Variants in SCAPER observed in about 807,000 individuals in gnomAD.
The protein encoded by SCAPER is S-phase cyclin A associated protein in the ER, also known as S phase cyclin A-associated protein in the endoplasmic reticulum.
In SCAPER, 98 loss-of-function variants were observed where a neutral mutation model predicts 182.2. That is an observed-to-expected ratio of 0.54 (90% CI 0.46 to 0.64). SCAPER has a LOEUF of 0.64. Ranked by LOEUF, SCAPER falls within the 30% of genes least tolerant of loss-of-function variation. SCAPER has a pLI of 0.00. For missense variants in SCAPER, 1,432 were observed against 1,690.0 expected (o/e 0.85, Z 2.68); for synonymous variants, 605 against 564.6 (o/e 1.07, Z -1.01).
At chr15:76,476,162 A>G (rs1313579602) in intron 24 of SCAPER, among the ~76,000 whole-genome samples, 2 of 152,094 alleles carry the variant, frequency 1.3e-5, no homozygotes, top group South Asian at 2.1e-4. Flanking sequence ...TCTGGGGTCC[A>G]TTTTCCAGCT....
At chr15:76,559,441 C>T (rs2046440177) in intron 23 of SCAPER, among the ~76,000 whole-genome samples, 1 of 152,012 alleles carries the variant, frequency 6.6e-6, no homozygotes, top group African/African-American at 2.4e-5. Context: ...TGCCTTGCTT[C>T]CCCTTTGCCT....
chr15:76,524,693 T>G (rs71444991), intron 23 of SCAPER, among the ~76,000 whole-genome samples: 9,702 of 136,294 alleles, frequency 0.071, 449 homozygotes, highest in Non-Finnish European at 0.11. Context: ...TGTTCTGTTT[T>G]TTTTTTTTTT....
Position 76,892,963 on chromosome 15 carries a change from C to T in SCAPER, c.-59-9087G>A, listed in dbSNP as rs529995235. 1.5e-4 allele frequency among the ~76,000 whole-genome samples: 14 copies of T among 94,006 alleles called. No homozygotes were observed. In the East Asian group the frequency reaches 4.9e-3, roughly 33 times the overall value. The allele number at this position is 94,006 out of a possible 152,430, so 61.7% of individuals were successfully genotyped here. On this transcript the variant is annotated intron_variant, in intron 1 of 31. Coordinates refer to ENST00000563290, the MANE Select transcript of SCAPER (RefSeq NM_020843.4). ...TAGACTGGATTAAGAAAATGTGGCACATATACACCATGGAATACCATGCAG... is the reference window on the plus strand; with the variant it reads ...TAGACTGGATTAAGAAAATGTGGCATATATACACCATGGAATACCATGCAG...
chr15:76,563,196 A>C (rs749845321), intron 23 of SCAPER, among the ~76,000 whole-genome samples: 3 of 152,198 alleles, frequency 2.0e-5, no homozygotes, highest in African/African-American at 7.2e-5. Context: ...CTATTTCTCA[A>C]TTAGTAGTCA....
At chr15:76,464,170 TC>T (rs2049411028) in intron 25 of SCAPER, among the ~76,000 whole-genome samples, 2 of 152,046 alleles carry the variant, frequency 1.3e-5, no homozygotes, top group Non-Finnish European at 2.9e-5. Context: ...CAACTCTGCT[TC>T]CCCCTCCCCT....
At chr15:76,738,903 T>C (rs999863774) in intron 15 of SCAPER, among the ~76,000 whole-genome samples, 1 of 152,172 alleles carries the variant, frequency 6.6e-6, no homozygotes, top group East Asian at 1.9e-4. Context: ...AATAAAGACT[T>C]TGCTTGATGC....
intron 8 of SCAPER, among the ~76,000 whole-genome samples, chr15:76,789,546 A>T (rs1423566341): frequency 6.6e-6 from 1 of 152,208 alleles, no homozygotes; most frequent in Non-Finnish European, 1.5e-5. Context: ...AGTATATCAA[A>T]CTAGGAACTA....
chr15:76,763,001 C>T (rs2062885336), intron 14 of SCAPER, among the ~76,000 whole-genome samples: 1 of 152,160 alleles, frequency 6.6e-6, no homozygotes, highest in Admixed American at 6.5e-5. Flanking sequence ...TTCTGTACCA[C>T]CCTTACAGTA....
At chr15:76,475,333 A>G (rs1038703944) in intron 24 of SCAPER, among the ~76,000 whole-genome samples, 1 of 149,156 alleles carries the variant, frequency 6.7e-6, no homozygotes, top group African/African-American at 2.5e-5. Flanking sequence ...CTAGCCTTTA[A>G]TTTTTTTTTT....
At chr15:76,750,475 C>T (rs1404068294) in intron 15 of SCAPER, among the ~76,000 whole-genome samples, 2 of 151,674 alleles carry the variant, frequency 1.3e-5, no homozygotes, top group Admixed American at 1.3e-4. Context: ...ACAGAAACTA[C>T]AAGGAAAAAA....
chr15:76,697,273 T>A (rs1026178908), intron 20 of SCAPER, among the ~76,000 whole-genome samples: 6 of 152,206 alleles, frequency 3.9e-5, no homozygotes, highest in African/African-American at 1.4e-4. Flanking sequence ...ATAATTCATA[T>A]GCTATATTAT....
Position 76,434,163 on chromosome 15 carries a change from C to G in SCAPER, c.3226G>C (p.Ala1076Pro), listed in dbSNP as rs889208452. The G allele has an allele frequency of 6.2e-7, 1 of 1,613,978 alleles. No homozygotes were observed. Among genetic ancestry groups the G allele is most frequent in the Admixed American group, 1.7e-5 (1 of 60,012 alleles). The change falls in exon 26 of 32, where the codon GCT becomes CCT. Residue 1076 changes from alanine to proline, a missense_variant. By Grantham distance (27) the Ala-to-Pro change is conservative. Coordinates refer to ENST00000563290, the MANE Select transcript of SCAPER (RefSeq NM_020843.4). ...TCCTGTGTTGGTATTTTTGGGGTAG[C>G]TGGCTGGCAGTTTCCATCTGGTCGA... ...ANRPDGNCQP[A>P]TPKIPTQEMK...
intron 25 of SCAPER, among the ~76,000 whole-genome samples, chr15:76,464,644 C>T (rs558774597): frequency 6.6e-6 from 1 of 152,124 alleles, no homozygotes; most frequent in African/African-American, 2.4e-5. Context: ...TTTATCCACT[C>T]ATTTGTTGAT....
At chr15:76,489,930 A>G (rs68130875) in intron 24 of SCAPER, among the ~76,000 whole-genome samples, 26,397 of 152,170 alleles carry the variant, frequency 0.17, 2,813 homozygotes, top group Middle Eastern at 0.26. Flanking sequence ...TTCACTCAAC[A>G]TAATGTCTTC....
rs556459624 is a variant in SCAPER, at chr15:76,902,889, T to C, written c.-60+2410A>G. The stretch of plus-strand genomic sequence containing the variant: ...ATGGCCAACATGGTGAAACCCGGTC[T>C]CTACTAAAAATACAAAAAAAAATTA... On this transcript the variant is annotated intron_variant, in intron 1 of 31. Transcript: ENST00000563290. Among the ~76,000 whole-genome samples, 349 of 152,122 alleles carry C rather than the reference T, an allele frequency of 2.3e-3. 1 individual carries two copies. Among genetic ancestry groups the C allele is most frequent in the African/African-American group, 8.1e-3 (335 of 41,494 alleles).
chr15:76,678,696 A>G lies in SCAPER; in HGVS notation c.2509-12907T>C, dbSNP rs191354510. 3.3e-4 allele frequency among the ~76,000 whole-genome samples: 45 copies of G among 136,408 alleles called. 1 individual carries two copies. The East Asian group carries it at 7.0e-3, about 21-fold the overall frequency. The allele number at this position is 136,408 out of a possible 152,430, so 89.5% of individuals were successfully genotyped here. ...GAAGAAGAAGGAAAATTGGGAGAAC[A>G]AGACAGAGAAACAGATAAAAGAGGG... On this transcript the variant is annotated intron_variant, in intron 20 of 31. Transcript: ENST00000563290.
At chr15:76,667,625 C>CAAAAAAAAAAAAAAAAAAAAAAAAAAAA (rs775463270) in intron 20 of SCAPER, among the ~76,000 whole-genome samples, 3 of 27,474 alleles carry the variant, frequency 1.1e-4, no homozygotes, top group African/African-American at 1.3e-4. Context: ...GACTCAGTCT[C>CAAAAAAAAAAAAAAAAAAAAAAAAAAAA]AAAAAAAAAA....
chr15:76,562,454 C>T (rs79180257), intron 23 of SCAPER, among the ~76,000 whole-genome samples: 3 of 152,010 alleles, frequency 2.0e-5, no homozygotes, highest in South Asian at 4.1e-4. Context: ...AGTAGAAAAA[C>T]GTGCAAAAGA....
chr15:76,894,948 C>G (rs2074353527), intron 1 of SCAPER, among the ~76,000 whole-genome samples: 1 of 152,134 alleles, frequency 6.6e-6, no homozygotes, highest in Non-Finnish European at 1.5e-5. Context: ...GCGAATTCTA[C>G]CAAACATTTA....
Sources: allele counts gnomAD v4.1 joint callset (sites outside exome capture counted in the v4.1 genomes callset), GRCh38; gene constraint gnomAD v4.1.1; transcripts MANE v1.5; gene names NCBI Gene and HGNC (gene_info 2026-07-23, HGNC 2026-07-21).